Variants in ABCA13 observed in about 807,000 individuals in gnomAD.
The protein encoded by ABCA13 is ATP-binding cassette sub-family A member 13.
Under a neutral mutation model 478.7 loss-of-function variants are expected in ABCA13, and 476 were observed. The ratio of observed to expected loss-of-function variants is 0.99; its 90% CI spans 0.92 to 1.07. The LOEUF is 1.07. Among genes scored for constraint, ABCA13 ranks in the 50% least tolerant of loss-of-function variants. The pLI, the probability that ABCA13 is intolerant of heterozygous loss-of-function variation, is 0.00. For synonymous variants in ABCA13, 2,252 were observed against 2,158.9 expected (o/e 1.04, Z -1.20); for missense variants, 6,060 against 5,910.6 (o/e 1.03, Z -0.83).
chr7:48,248,271 C>G lies in ABCA13; in HGVS notation c.1692C>G (p.His564Gln), dbSNP rs902033114. Residue 564 changes from histidine to glutamine, a missense_variant, in exon 14 of 62, where the codon CAC (histidine) becomes CAG (glutamine). Coordinates refer to ENST00000435803, the MANE Select transcript of ABCA13 (RefSeq NM_152701.5). Reference protein sequence around the residue: ...DRILQEVITWHKNMSVLIPEE... With the variant: ...DRILQEVITWQKNMSVLIPEE... The stretch of plus-strand genomic sequence containing the variant: ...TTTTGCAAGAGGTCATTACTTGGCA[C>G]AAAAATATGTCAGTTTTAATACCTG... The G allele has an allele frequency of 1.4e-5, 22 of 1,613,670 alleles. No individual in the cohort carries two copies. The highest frequency in any genetic ancestry group is 1.9e-5 in the Non-Finnish European group (22 of 1,179,714).
At chr7:48,263,816 T>C (rs763704891) in intron 15 of ABCA13, among the ~76,000 whole-genome samples, 3 of 152,026 alleles carry the variant, frequency 2.0e-5, no homozygotes, top group Admixed American at 1.3e-4. Flanking sequence ...TAACATGAGA[T>C]ATTTTCATAC....
In ABCA13 at chr7:48,229,915, G is replaced by A. The variant is rs754765359; in HGVS notation, c.723G>A (p.Ser241=). Residue 241 remains serine (S), a synonymous_variant, in exon 7 of 62, where the codon TCG becomes TCA. Transcript: ENST00000435803. Reference sequence around the variant, plus strand: ...AACTTGTACTGAATGTGACCATTTCGACACTGACATTTCTGCAGCAACATG... The same window carrying A: ...AACTTGTACTGAATGTGACCATTTCAACACTGACATTTCTGCAGCAACATG... ...VSELVLNVTI[S]TLTFLQQHGV... 14 of 1,613,878 alleles carry A rather than the reference G, an allele frequency of 8.7e-6. No individual in the cohort carries two copies. Among genetic ancestry groups the A allele is most frequent in the South Asian group, 2.2e-5 (2 of 91,056 alleles).
At chr7:48,400,340 A>G (rs765988740) in intron 38 of ABCA13, among the ~76,000 whole-genome samples, 10 of 152,326 alleles carry the variant, frequency 6.6e-5, no homozygotes, top group Admixed American at 2.0e-4. Flanking sequence ...GAATAAATGA[A>G]TGGATGATTA....
chr7:48,187,703 G>A (rs1354452537), intron 1 of ABCA13, among the ~76,000 whole-genome samples: 1 of 151,734 alleles, frequency 6.6e-6, no homozygotes, highest in African/African-American at 2.4e-5. Flanking sequence ...ATTCCACAGT[G>A]ATGATTTTTT....
At chr7:48,406,015 A>G (rs1172050710) in intron 39 of ABCA13, among the ~76,000 whole-genome samples, 3 of 152,226 alleles carry the variant, frequency 2.0e-5, no homozygotes, top group Non-Finnish European at 2.9e-5. Context: ...CTAGGTAATC[A>G]TAGAGCTCTG....
chr7:48,598,812 AT>A (rs1252067673), intron 58 of ABCA13, among the ~76,000 whole-genome samples: 2 of 151,932 alleles, frequency 1.3e-5, no homozygotes, highest in Non-Finnish European at 2.9e-5. Context: ...AAATTTTAGA[AT>A]TTTGGCTCTT....
At chr7:48,395,190 C>T (rs994714048) in intron 38 of ABCA13, among the ~76,000 whole-genome samples, 2 of 152,146 alleles carry the variant, frequency 1.3e-5, no homozygotes, top group East Asian at 3.9e-4. Context: ...GTGCTGAGCA[C>T]CTGATACGAT....
At chr7:48,459,272 G>T (rs984254757) in intron 43 of ABCA13, among the ~76,000 whole-genome samples, 43 of 152,122 alleles carry the variant, frequency 2.8e-4, no homozygotes, top group African/African-American at 1.0e-3. Flanking sequence ...ACCTTGAGCA[G>T]CTCCATATTG....
Position 48,635,775 on chromosome 7 carries a change from G to A in ABCA13, c.14838-7513G>A, listed in dbSNP as rs6943800. ...TTCCCTGAGCTGGGAGGTAGCAGAA[G>A]AGTAGATCTTGTTTTAAATGCCACA... is the stretch of plus-strand genomic sequence containing the variant. On this transcript the variant is annotated intron_variant, in intron 59 of 61. Coordinates refer to ENST00000435803, the MANE Select transcript of ABCA13 (RefSeq NM_152701.5). 7.1e-3 allele frequency among the ~76,000 whole-genome samples: 1,078 copies of A among 152,366 alleles called. 13 individuals carry two copies. The highest frequency in any genetic ancestry group is 0.024 in the African/African-American group (997 of 41,584).
chr7:48,510,051 T>C (rs1015651876), intron 50 of ABCA13, among the ~76,000 whole-genome samples: 2 of 152,224 alleles, frequency 1.3e-5, no homozygotes, highest in Non-Finnish European at 2.9e-5. Context: ...TATTCTGTCA[T>C]AGCCCCCCAA....
At chr7:48,226,242 G>T (rs766390873) in intron 5 of ABCA13, among the ~76,000 whole-genome samples, 1 of 152,104 alleles carries the variant, frequency 6.6e-6, no homozygotes, top group Non-Finnish European at 1.5e-5. Context: ...GGGATTTGAG[G>T]ATCATTAGAT....
chr7:48,538,014 A>G (rs1406617961), intron 55 of ABCA13, among the ~76,000 whole-genome samples: 5 of 151,124 alleles, frequency 3.3e-5, no homozygotes, highest in East Asian at 1.9e-4. Context: ...ACAATGACAT[A>G]TATGATTTTA....
chr7:48,317,018 T>A (rs965816699), intron 26 of ABCA13, 139 bp from the exon 27 acceptor site: 1 of 1,020,588 alleles, frequency 9.8e-7, no homozygotes, highest in Non-Finnish European at 1.4e-6. Context: ...ACTATAGCAC[T>A]CCCAAAGTTC....
At chr7:48,611,012 C>T (rs548570557) in intron 58 of ABCA13, among the ~76,000 whole-genome samples, 196 of 152,310 alleles carry the variant, frequency 1.3e-3, no homozygotes, top group African/African-American at 4.0e-3. Flanking sequence ...TTCAGCTCTT[C>T]TTTACTTATG....
chr7:48,532,201 A>C (rs1563402452), intron 55 of ABCA13, among the ~76,000 whole-genome samples: 1 of 152,012 alleles, frequency 6.6e-6, no homozygotes, highest in Non-Finnish European at 1.5e-5. Context: ...GAGGGTTTTA[A>C]TCATAAAGAA....
At chr7:48,175,900 C>G (rs560391810) in intron 1 of ABCA13, among the ~76,000 whole-genome samples, 1 of 152,250 alleles carries the variant, frequency 6.6e-6, no homozygotes, top group East Asian at 1.9e-4. Context: ...ACAACAACAA[C>G]AACAACAACA....
chr7:48,609,317 T>C (rs999718826), intron 58 of ABCA13, among the ~76,000 whole-genome samples: 47 of 152,296 alleles, frequency 3.1e-4, no homozygotes, highest in Admixed American at 2.0e-3. Context: ...AATATATATA[T>C]ATTCATTTCC....
intron 45 of ABCA13, among the ~76,000 whole-genome samples, chr7:48,474,416 A>C (rs148028539): frequency 6.6e-6 from 1 of 152,202 alleles, no homozygotes; most frequent in East Asian, 1.9e-4. Flanking sequence ...TAGAAATTAG[A>C]TGATTCTCCT....
chr7:48,230,595 C>T (rs1158427093), intron 7 of ABCA13, among the ~76,000 whole-genome samples: 1 of 152,182 alleles, frequency 6.6e-6, no homozygotes, highest in Admixed American at 6.5e-5. Flanking sequence ...GTTCATCTGT[C>T]CATCCATCCA....
Sources: allele counts gnomAD v4.1 joint callset (sites outside exome capture counted in the v4.1 genomes callset), GRCh38; gene constraint gnomAD v4.1.1; transcripts MANE v1.5; gene names NCBI Gene and HGNC (gene_info 2026-07-23, HGNC 2026-07-21).